The following TESK2 variants were observed in gnomAD, a reference collection of about 807,000 sequenced individuals.
TESK2 encodes the protein dual specificity testis-specific protein kinase 2.
Under a neutral mutation model 57.1 loss-of-function variants are expected in TESK2, and 39 were observed. That is an observed-to-expected ratio of 0.68 (90% CI 0.53 to 0.89). The LOEUF (loss-of-function observed/expected upper bound fraction) is 0.89. TESK2 is among the 40% of genes least tolerant of loss of function. The probability of loss-of-function intolerance (pLI) is 0.00; values close to 1 mark genes in which losing one functional copy is unlikely to be tolerated. For synonymous variants in TESK2, 249 were observed against 267.9 expected, an observed-to-expected ratio of 0.93 and a Z score of 0.69; for missense variants, 646 against 732.1, an observed-to-expected ratio of 0.88 and a Z score of 1.36.
At chr1:45,399,934 T>G (rs987311126) in intron 3 of TESK2, among the ~76,000 whole-genome samples, 2 of 152,076 alleles carry the variant, frequency 1.3e-5, no homozygotes, top group Admixed American at 6.6e-5. Context: ...GGGTTAATAG[T>G]AGCACATGGG....
In TESK2 at chr1:45,377,109, A is replaced by C. The variant is rs368996995; in HGVS notation, c.393+8803T>G. On this transcript the variant is annotated intron_variant, in intron 4 of 10. Coordinates refer to ENST00000372086, the MANE Select transcript of TESK2 (RefSeq NM_007170.3). ...GTGGCATGCACCTGTAGTTCCAGCT[A>C]ATGGGGAGGCTGAGACAGGAGGATC... is the stretch of plus-strand genomic sequence containing the variant. 2.0e-5 allele frequency among the ~76,000 whole-genome samples: 3 copies of C among 152,204 alleles called. No homozygotes were observed. The East Asian group carries it at 5.8e-4, about 29-fold the overall frequency.
chr1:45,488,759 T>C (rs1320897778), intron 1 of TESK2, among the ~76,000 whole-genome samples: 1 of 152,206 alleles, frequency 6.6e-6, no homozygotes, highest in African/African-American at 2.4e-5. Flanking sequence ...ATTTTACTCA[T>C]TTCTCCTCAT....
intron 1 of TESK2, among the ~76,000 whole-genome samples, chr1:45,482,569 A>C (rs1653271504): frequency 6.7e-6 from 1 of 150,194 alleles, no homozygotes; most frequent in Non-Finnish European, 1.5e-5. Context: ...TGTACCACAG[A>C]TTGAGATCTG....
intron 7 of TESK2, among the ~76,000 whole-genome samples, chr1:45,347,301 C>T (rs151228146): frequency 4.9e-4 from 74 of 152,272 alleles, no homozygotes; most frequent in African/African-American, 1.8e-3. Context: ...CGCGATGGCT[C>T]ATGCCTGTAA....
At chr1:45,444,303 C>G (rs1299992377) in intron 2 of TESK2, among the ~76,000 whole-genome samples, 1 of 152,006 alleles carries the variant, frequency 6.6e-6, no homozygotes, top group South Asian at 2.1e-4. Flanking sequence ...TTACCAAATA[C>G]TGTATCAGAC....
At chr1:45,478,209 C>T (rs1412878511) in intron 1 of TESK2, among the ~76,000 whole-genome samples, 1 of 152,276 alleles carries the variant, frequency 6.6e-6, no homozygotes, top group South Asian at 2.1e-4. Context: ...ATTCTTTCTC[C>T]CTGGTGTGTT....
At chr1:45,461,501 C>A (rs1274078707) in intron 1 of TESK2, among the ~76,000 whole-genome samples, 1 of 152,170 alleles carries the variant, frequency 6.6e-6, no homozygotes, top group Non-Finnish European at 1.5e-5. Context: ...AGCACCAAAG[C>A]TCAAACTTCT....
At chr1:45,378,478 T>C (rs1052158344) in intron 4 of TESK2, among the ~76,000 whole-genome samples, 5 of 152,176 alleles carry the variant, frequency 3.3e-5, no homozygotes, top group African/African-American at 9.7e-5. Flanking sequence ...CTAAGCCATA[T>C]GGAGATGATC....
At chr1:45,354,662 G>A (rs978162644) in intron 5 of TESK2, among the ~76,000 whole-genome samples, 10 of 150,534 alleles carry the variant, frequency 6.6e-5, no homozygotes, top group African/African-American at 9.8e-5. Context: ...GGTGGTGTAC[G>A]CCTGTGGTCC....
At chr1:45,424,895 TA>T (rs531487846) in intron 2 of TESK2, among the ~76,000 whole-genome samples, 251 of 152,112 alleles carry the variant, frequency 1.7e-3, no homozygotes, top group Admixed American at 3.5e-3. Flanking sequence ...CTCAAAAAAC[TA>T]GGTATAGAAG....
intron 1 of TESK2, among the ~76,000 whole-genome samples, chr1:45,478,395 T>TATGAGCTC (rs1304431442): frequency 4.6e-5 from 7 of 152,214 alleles, no homozygotes; most frequent in African/African-American, 1.7e-4. Flanking sequence ...ACTATGAGCT[T>TATGAGCTC]CCAGACTATG....
chr1:45,478,471 A>G (rs993240110), intron 1 of TESK2, among the ~76,000 whole-genome samples: 1 of 152,248 alleles, frequency 6.6e-6, no homozygotes, highest in Non-Finnish European at 1.5e-5. Context: ...AATACAAAGT[A>G]TAATACTACA....
intron 3 of TESK2, among the ~76,000 whole-genome samples, chr1:45,396,784 C>T (rs550584791): frequency 1.5e-4 from 23 of 150,308 alleles, no homozygotes; most frequent in East Asian, 1.2e-3. Flanking sequence ...CCACCACGCC[C>T]GGCCTGGTAT....
chr1:45,486,236 T>A (rs2149309964), intron 1 of TESK2, among the ~76,000 whole-genome samples: 1 of 152,304 alleles, frequency 6.6e-6, no homozygotes, highest in East Asian at 1.9e-4. Context: ...ATAATTGGGC[T>A]TCATCTACTA....
At chr1:45,386,217 C>A (rs892750196) in intron 3 of TESK2, among the ~76,000 whole-genome samples, 2 of 151,646 alleles carry the variant, frequency 1.3e-5, no homozygotes, top group African/African-American at 4.8e-5. Context: ...TGGTGGCATG[C>A]GCCTGTAGTC....
Position 45,382,739 on chromosome 1 carries a change from G to A in TESK2, c.393+3173C>T, listed in dbSNP as rs561443482. ...TACAAAATTAGCCGGTCATGGTGGCGCATGCCTGTAATCCCAGCTACTCAG... is the reference window on the plus strand; with the variant it reads ...TACAAAATTAGCCGGTCATGGTGGCACATGCCTGTAATCCCAGCTACTCAG... On this transcript the variant is annotated intron_variant, in intron 4 of 10. Transcript: ENST00000372086. Among the ~76,000 whole-genome samples, 808 of 152,024 alleles carry A rather than the reference G, an allele frequency of 5.3e-3. 11 individuals are homozygous for A. The highest frequency in any genetic ancestry group is 4.4e-3 in the South Asian group (21 of 4,806).
In TESK2 at chr1:45,364,998, C is replaced by T. The variant is rs140958612; in HGVS notation, c.394-9549G>A. On this transcript the variant is annotated intron_variant, in intron 4 of 10. Transcript: ENST00000372086. ...TCTTTGCAGAAAAGGGTTTGGGCCC[C>T]GACCTAGTTTTCACTGTAGCCCAAC... Among the ~76,000 whole-genome samples the T allele has an allele frequency of 2.0e-4, 30 of 152,300 alleles. No individual in the cohort carries two copies. The East Asian group carries it at 5.0e-3, about 25-fold the overall frequency.
intron 2 of TESK2, among the ~76,000 whole-genome samples, chr1:45,435,623 C>CTT (rs548276799): frequency 1.3e-4 from 9 of 69,172 alleles, no homozygotes; most frequent in Admixed American, 6.1e-4. Flanking sequence ...GCTCAGTATT[C>CTT]TTTTTTTTTT....
At position 45,344,782 on chromosome 1, in the gene TESK2, G is replaced by A. The variant is rs551246650; in HGVS notation, c.*58C>T. ...GAAGAATCAAGGCTGTGCACCTAGG[G>A]GGCCATATGGTTTCAGCTGAAGGTC... On this transcript the variant is annotated 3_prime_UTR_variant, in exon 11 of 11. Transcript: ENST00000372086. 1.5e-4 allele frequency: 223 copies of A among 1,469,514 alleles called. No individual in the cohort carries two copies. Among genetic ancestry groups the A allele is most frequent in the Non-Finnish European group, 2.0e-4 (209 of 1,071,692 alleles). The allele number at this position is 1,469,514 out of a possible 1,614,324, so 91.0% of individuals were successfully genotyped here.
Sources: allele counts gnomAD v4.1 joint callset (sites outside exome capture counted in the v4.1 genomes callset), GRCh38; gene constraint gnomAD v4.1.1; transcripts MANE v1.5; gene names NCBI Gene and HGNC (gene_info 2026-07-23, HGNC 2026-07-21).